The following TRIM48 variants were observed in gnomAD, a reference collection of about 807,000 sequenced individuals.
TRIM48 encodes the protein E3 ubiquitin-protein ligase TRIM48.
A neutral mutation model predicts 29.5 loss-of-function variants in TRIM48; 31 were observed. The ratio of observed to expected loss-of-function variants is 1.05; its 90% CI spans 0.79 to 1.42. The LOEUF is 1.42. Among genes scored for constraint, TRIM48 ranks in the 40% most tolerant of loss-of-function variants. The pLI, the probability that TRIM48 is intolerant of heterozygous loss-of-function variation, is 0.00. For synonymous variants in TRIM48, 128 were observed against 90.6 expected (o/e 1.41, Z -2.34); for missense variants, 344 against 265.0 (o/e 1.30, Z -2.07).
Position 55,269,286 on chromosome 11 carries a change from C to G in TRIM48, c.623C>G (p.Ala208Gly), listed in dbSNP as rs559808563. 18 of 1,576,212 alleles carry G rather than the reference C, an allele frequency of 1.1e-5. 3 individuals are homozygous for G. In the East Asian group the frequency reaches 4.3e-4, roughly 38 times the overall value. Residue 208 changes from alanine (A) to glycine (G), a missense_variant, in exon 5 of 6, where the codon GCG becomes GGG. Ala to Gly is a moderately conservative substitution (Grantham distance 60, BLOSUM62 0). Coordinates refer to ENST00000417545, the MANE Select transcript of TRIM48 (RefSeq NM_024114.5). ...LLHMPQPLNLALRAGPITGLR... is the reference protein window; with the variant it reads ...LLHMPQPLNLGLRAGPITGLR... ...CACATGCCCCAGCCTCTGAATCTAGCGCTCAGGGCAGGGCCCATCACTGGA... is the reference window on the plus strand; with the variant it reads ...CACATGCCCCAGCCTCTGAATCTAGGGCTCAGGGCAGGGCCCATCACTGGA...
chr11:55,264,529 T>C (rs200354072), intron 1 of TRIM48, among the ~76,000 whole-genome samples: 434 of 133,950 alleles, frequency 3.2e-3, no homozygotes, highest in Middle Eastern at 7.4e-3. Flanking sequence ...TTTTTCCCAC[T>C]CTTTCACACT....
chr11:55,270,544 G>T lies in TRIM48; in HGVS notation c.*109G>T. ...CCGTCAAAATCCGCCCCATATCACT[G>T]CAACACCTACAAGTTTTCTTGCATG... On this transcript the variant is annotated 3_prime_UTR_variant, in exon 6 of 6. Coordinates refer to ENST00000417545, the MANE Select transcript of TRIM48 (RefSeq NM_024114.5). 1 of 1,582,788 alleles carries T rather than the reference G, an allele frequency of 6.3e-7. No individual in the cohort carries two copies. Among genetic ancestry groups the T allele is most frequent in the Non-Finnish European group, 8.6e-7 (1 of 1,165,592 alleles).
rs2120093957 is a variant in TRIM48, at chr11:55,262,278, G to A, written c.11G>A (p.Arg4Lys). The change falls in exon 1 of 6, where the codon AGA (arginine) becomes AAA (lysine). Residue 4 changes from arginine (R) to lysine (K), a missense_variant. By Grantham distance (26) the Arg-to-Lys change is conservative. Transcript: ENST00000417545. MSR[R>K]IIVGTLQRTQ... ...GTACTTAACAGAATTATGTCTCGAA[G>A]AATCATTGTGGGAACCCTTCAAAGA... is the stretch of plus-strand genomic sequence containing the variant. 1.3e-6 allele frequency: 2 copies of A among 1,548,784 alleles called. No homozygotes were observed. The highest frequency in any genetic ancestry group is 1.7e-6 in the Non-Finnish European group (2 of 1,146,282).
chr11:55,267,458 C>T lies in TRIM48; in HGVS notation c.556-892C>T, dbSNP rs1188735753. On this transcript the variant is annotated intron_variant, in intron 3 of 5. Transcript: ENST00000417545. ...TATTAAAGCTGAGTATCAGAAGATGCCTGCATTTCATCATGAAGAAGAAAA... is the reference window on the plus strand; with the variant it reads ...TATTAAAGCTGAGTATCAGAAGATGTCTGCATTTCATCATGAAGAAGAAAA... The T allele has an allele frequency of 6.3e-6, 10 of 1,578,904 alleles. 1 individual carries two copies. The highest frequency in any genetic ancestry group is 2.4e-5 in the South Asian group (2 of 83,534).
At chr11:55,267,568 G>A (rs919433061) in intron 3 of TRIM48, 2 of 1,565,680 alleles carry the variant, frequency 1.3e-6, no homozygotes, top group East Asian at 2.4e-5. Flanking sequence ...CTCATAGGAG[G>A]GAGATTTTTA....
intron 4 of TRIM48, 109 bp downstream of exon 4, chr11:55,268,481 T>G: frequency 8.8e-7 from 1 of 1,130,496 alleles, no homozygotes; most frequent in Non-Finnish European, 1.3e-6. Context: ...TACTATTTTT[T>G]TTTGCATCTT....
rs759246526 is a variant in TRIM48 at position 55,265,058 on chromosome 11, G to T, written c.203G>T (p.Cys68Phe). The T allele has an allele frequency of 4.4e-6, 7 of 1,583,838 alleles. No homozygotes were observed. The highest frequency in any genetic ancestry group is 6.0e-6 in the Non-Finnish European group (7 of 1,166,184). ...NWQDIPILTQ[C>F]FECIKTIQQR... ...CAAGACATCCCAATTCTTACTCAGTGCTTTGAATGCATAAAGACAATACAG... is the reference window on the plus strand; with the variant it reads ...CAAGACATCCCAATTCTTACTCAGTTCTTTGAATGCATAAAGACAATACAG... The change falls in exon 2 of 6, where the codon TGC becomes TTC. Residue 68 changes from cysteine to phenylalanine, a missense_variant. Coordinates refer to ENST00000417545, the MANE Select transcript of TRIM48 (RefSeq NM_024114.5).
At position 55,269,316 on chromosome 11, in the gene TRIM48, G is replaced by T. The variant is rs769284668; in HGVS notation, c.653G>T (p.Arg218Met). The T allele has an allele frequency of 4.4e-6, 7 of 1,575,654 alleles. No homozygotes were observed. The highest frequency in any genetic ancestry group is 6.0e-6 in the Non-Finnish European group (7 of 1,166,026). Residue 218 changes from arginine (R) to methionine (M), a missense_variant, in exon 5 of 6, where the codon AGG becomes ATG. Transcript: ENST00000417545. ...ALRAGPITGL[R>M]DRLNQF ...AGGGCAGGGCCCATCACTGGACTGA[G>T]GGACAGGCTCAACCAATTCTGAGGT...
intron 4 of TRIM48, 73 bp downstream of exon 4, chr11:55,268,445 C>A: frequency 7.2e-7 from 1 of 1,389,588 alleles, no homozygotes; most frequent in Non-Finnish European, 9.9e-7. Context: ...CTACCAAAGT[C>A]ATGGCATAAA....
chr11:55,265,785 G>A lies in TRIM48; in HGVS notation c.555+90G>A, dbSNP rs1467891544. Reference sequence around the variant, plus strand: ...TAGGAACTTGATATCAAACCGTAATGTTTCTGGGAGTCAAAAAAAAAAAAA... The same window carrying A: ...TAGGAACTTGATATCAAACCGTAATATTTCTGGGAGTCAAAAAAAAAAAAA... On this transcript the variant is annotated intron_variant, in intron 3 of 5. Transcript: ENST00000417545. The A allele has an allele frequency of 1.3e-5, 12 of 894,486 alleles. 1 individual carries two copies. Among genetic ancestry groups the A allele is most frequent in the African/African-American group, 5.8e-5 (3 of 51,390 alleles). The allele number at this position is 894,486 out of a possible 1,614,324, so 55.4% of individuals were successfully genotyped here.
rs558639938 is a variant in TRIM48 at position 55,265,733 on chromosome 11, T to C, written c.555+38T>C. On this transcript the variant is annotated intron_variant, in intron 3 of 5. Transcript: ENST00000417545. ...ATACCCTACCTTCTCCAGGAACTTA[T>C]GGTGGGCAAATGGGTGACTCTTAAA... The C allele has an allele frequency of 3.9e-6, 6 of 1,553,650 alleles. 1 individual carries two copies. Among genetic ancestry groups the C allele is most frequent in the Non-Finnish European group, 5.2e-6 (6 of 1,146,328 alleles).
intron 3 of TRIM48, among the ~76,000 whole-genome samples, chr11:55,267,164 T>C (rs186966427): frequency 7.0e-6 from 1 of 142,316 alleles, no homozygotes; most frequent in Non-Finnish European, 1.5e-5. Flanking sequence ...TCAAATTGTG[T>C]TTTTTTTTAT....
chr11:55,265,481 G>C, intron 2 of TRIM48, 119 bp from the exon 3 acceptor site: 1 of 1,479,908 alleles, frequency 6.8e-7, no homozygotes, highest in Non-Finnish European at 9.1e-7. Context: ...AAGTGAAACA[G>C]AAGAAATGCC....
In TRIM48 at chr11:55,267,518, G is replaced by T. The variant is rs187694179; in HGVS notation, c.556-832G>T. On this transcript the variant is annotated intron_variant, in intron 3 of 5. Transcript: ENST00000417545. ...GGAGATGCTGAAAAAGAAGGGAAAA[G>T]ATATTTTTCATCAACTTCATTTAAG... 1,229 of 1,578,732 alleles carry T rather than the reference G, an allele frequency of 7.8e-4. 131 individuals are homozygous for T. The highest frequency in any genetic ancestry group is 7.7e-4 in the Non-Finnish European group (893 of 1,163,018).
rs780812657 is a variant in TRIM48, at chr11:55,270,531, G to T, written c.*96G>T. On this transcript the variant is annotated 3_prime_UTR_variant, in exon 6 of 6. Transcript: ENST00000417545. The stretch of plus-strand genomic sequence containing the variant: ...GTATTGGATGTGACCGTCAAAATCC[G>T]CCCCATATCACTGCAACACCTACAA... 1.3e-6 allele frequency: 2 copies of T among 1,581,764 alleles called. No individual in the cohort carries two copies. The highest frequency in any genetic ancestry group is 1.7e-6 in the Non-Finnish European group (2 of 1,165,116).
rs184963550 is a variant in TRIM48, at chr11:55,265,561, T to A, written c.460-39T>A. The A allele has an allele frequency of 4.2e-4, 662 of 1,567,818 alleles. 40 individuals carry two copies. The highest frequency in any genetic ancestry group is 3.3e-4 in the Non-Finnish European group (386 of 1,154,266). ...ATGAAACGGTCTGTATGTTACTTTA[T>A]TGTCTTCACTGGTGCTTCAATTTAT... On this transcript the variant is annotated intron_variant, in intron 2 of 5. Transcript: ENST00000417545.
In TRIM48 at chr11:55,269,618, G is replaced by GAAC. The variant is rs1857449517; in HGVS notation, c.*1+282_*1+284dup. The stretch of plus-strand genomic sequence containing the variant: ...AGCAAATCTAAAAAAGGAGCAAATG[G>GAAC]AACAATGCTCAGAATGAAGGTGAGT... On this transcript the variant is annotated intron_variant, in intron 5 of 5. Transcript: ENST00000417545. Among the ~76,000 whole-genome samples the GAAC allele has an allele frequency of 1.4e-5, 2 of 147,304 alleles. 1 individual carries two copies. Among genetic ancestry groups the GAAC allele is most frequent in the Non-Finnish European group, 3.0e-5 (2 of 66,826 alleles).
intron 5 of TRIM48, among the ~76,000 whole-genome samples, chr11:55,269,872 G>A (rs1416703241): frequency 6.8e-6 from 1 of 147,752 alleles, no homozygotes; most frequent in Non-Finnish European, 1.5e-5. Context: ...CAGTTTAATT[G>A]CAATATGAAA....
chr11:55,270,311 G>T (rs1461628893), intron 5 of TRIM48, 126 bp from the exon 6 acceptor site: 3 of 723,206 alleles, frequency 4.1e-6, no homozygotes, highest in African/African-American at 3.6e-5. Context: ...AAGCAAAAGT[G>T]TCCTTGTGAC....
Sources: gnomAD v4.1 joint callset for allele counts (sites outside exome capture counted in the v4.1 genomes callset) on GRCh38, gnomAD v4.1.1 for gene constraint, MANE v1.5 for transcripts, NCBI Gene and HGNC (gene_info 2026-07-23, HGNC 2026-07-21) for gene names.